Variants in ARHGEF38 observed in about 807,000 individuals in gnomAD.
ARHGEF38 encodes Rho guanine nucleotide exchange factor (GEF) 38.
In ARHGEF38, 79 loss-of-function variants were observed where a neutral mutation model predicts 79.9. That is an observed-to-expected ratio of 0.99 (90% CI 0.82 to 1.19). The LOEUF (loss-of-function observed/expected upper bound fraction) is 1.19. Ranked by LOEUF, ARHGEF38 falls within the 50% of genes most tolerant of loss-of-function variation. The probability of loss-of-function intolerance (pLI) is 0.00; values close to 1 mark genes in which losing one functional copy is unlikely to be tolerated. For synonymous variants in ARHGEF38, 366 were observed against 328.3 expected (o/e 1.11, Z -1.24); for missense variants, 962 against 907.2 (o/e 1.06, Z -0.78).
chr4:105,647,722 C>T (rs973012155), intron 6 of ARHGEF38, among the ~76,000 whole-genome samples: 1 of 152,072 alleles, frequency 6.6e-6, no homozygotes, highest in Non-Finnish European at 1.5e-5. Context: ...ATGTTAGAGA[C>T]ATTTAATGTT....
chr4:105,594,197 T>C (rs1220484580), intron 2 of ARHGEF38, among the ~76,000 whole-genome samples: 1 of 152,200 alleles, frequency 6.6e-6, no homozygotes, highest in African/African-American at 2.4e-5. Flanking sequence ...TAAATAAATG[T>C]TCGGGTACTC....
intron 13 of ARHGEF38, among the ~76,000 whole-genome samples, chr4:105,675,745 A>T (rs1731097016): frequency 6.6e-6 from 1 of 152,192 alleles, no homozygotes; most frequent in African/African-American, 2.4e-5. Context: ...AGATCAAGGC[A>T]CCAGTTTATG....
intron 1 of ARHGEF38, among the ~76,000 whole-genome samples, chr4:105,575,823 G>A (rs28784990): frequency 0.11 from 16,459 of 152,124 alleles, 946 homozygotes; most frequent in Middle Eastern, 0.18. Context: ...GTTTATTTTT[G>A]TATAAGGTGA....
At chr4:105,622,685 C>T (rs1728786230) in intron 3 of ARHGEF38, among the ~76,000 whole-genome samples, 1 of 152,202 alleles carries the variant, frequency 6.6e-6, no homozygotes, top group African/African-American at 2.4e-5. Context: ...CTTCCCTTCA[C>T]AATGCTCAGC....
intron 3 of ARHGEF38, among the ~76,000 whole-genome samples, chr4:105,618,401 G>T (rs1284741333): frequency 1.3e-5 from 2 of 152,128 alleles, no homozygotes; most frequent in Non-Finnish European, 2.9e-5. Flanking sequence ...ACTTTGGGAG[G>T]CTGATGTGGG....
intron 3 of ARHGEF38, among the ~76,000 whole-genome samples, chr4:105,618,341 TAGAG>T (rs1728590957): frequency 6.6e-6 from 1 of 152,120 alleles, no homozygotes; most frequent in Admixed American, 6.6e-5. Context: ...AATTAATAAA[TAGAG>T]AAAGAAGAAC....
At chr4:105,665,152 C>G (rs978116798) in intron 10 of ARHGEF38, among the ~76,000 whole-genome samples, 1 of 151,828 alleles carries the variant, frequency 6.6e-6, no homozygotes, top group Non-Finnish European at 1.5e-5. Flanking sequence ...CACACACCAC[C>G]TCACTGGGCT....
intron 10 of ARHGEF38, among the ~76,000 whole-genome samples, chr4:105,663,651 C>T (rs570680314): frequency 1.2e-4 from 19 of 152,310 alleles, no homozygotes; most frequent in Non-Finnish European, 2.2e-4. Context: ...TCATTTTTAA[C>T]TGTGAATATT....
chr4:105,582,467 T>C (rs977926150), intron 1 of ARHGEF38, among the ~76,000 whole-genome samples: 9 of 152,134 alleles, frequency 5.9e-5, no homozygotes, highest in Non-Finnish European at 4.4e-5. Context: ...ATATCTTCTA[T>C]TCACTTTAGT....
chr4:105,656,097 C>T (rs1048624617), intron 9 of ARHGEF38, among the ~76,000 whole-genome samples: 1 of 152,070 alleles, frequency 6.6e-6, no homozygotes, highest in African/African-American at 2.4e-5. Flanking sequence ...CTCTGTTGCC[C>T]AGGCTGGAGT....
chr4:105,593,390 C>A (rs528195075), intron 2 of ARHGEF38, among the ~76,000 whole-genome samples: 4 of 150,222 alleles, frequency 2.7e-5, no homozygotes, highest in Non-Finnish European at 6.0e-5. Flanking sequence ...TAAAAAAAAA[C>A]AGCCAAGTGT....
chr4:105,671,266 T>G (rs927061708), intron 13 of ARHGEF38, among the ~76,000 whole-genome samples: 7 of 152,142 alleles, frequency 4.6e-5, no homozygotes, highest in Admixed American at 4.6e-4. Flanking sequence ...ATACTTTCCC[T>G]CAGAGTAGAA....
chr4:105,671,110 G>T (rs996029537), intron 13 of ARHGEF38, among the ~76,000 whole-genome samples: 1 of 152,178 alleles, frequency 6.6e-6, no homozygotes, highest in Non-Finnish European at 1.5e-5. Context: ...TTCATAAATT[G>T]TTATTTGCTT....
intron 1 of ARHGEF38, among the ~76,000 whole-genome samples, chr4:105,556,339 C>T (rs1330686707): frequency 1.3e-5 from 2 of 152,060 alleles, no homozygotes; most frequent in African/African-American, 4.8e-5. Context: ...TCCAAAGAGG[C>T]TCAAAGTCTG....
Position 105,622,186 on chromosome 4 carries a change from A to T in ARHGEF38, c.508+8679A>T, listed in dbSNP as rs555429789. Among the ~76,000 whole-genome samples, 5 of 152,280 alleles carry T rather than the reference A, an allele frequency of 3.3e-5. No individual in the cohort carries two copies. The South Asian group carries it at 1.0e-3, about 32-fold the overall frequency. ...TCTGAGGAGGATGGTAAGTTCTAGGATGCTATGCTGATGGAGCCTGCCAGT... is the reference window on the plus strand; with the variant it reads ...TCTGAGGAGGATGGTAAGTTCTAGGTTGCTATGCTGATGGAGCCTGCCAGT... On this transcript the variant is annotated intron_variant, in intron 3 of 13. Coordinates refer to ENST00000420470, the MANE Select transcript of ARHGEF38 (RefSeq NM_001242729.2).
At chr4:105,653,324 CTTTTTTTT>C (rs778409804) in intron 7 of ARHGEF38, among the ~76,000 whole-genome samples, 1 of 136,544 alleles carries the variant, frequency 7.3e-6, no homozygotes, top group East Asian at 2.1e-4. Flanking sequence ...TTTCACATTT[CTTTTTTTT>C]TTTTTTTTGA....
chr4:105,668,680 A>AGATAGAT (rs1553950212), intron 13 of ARHGEF38, among the ~76,000 whole-genome samples: 2 of 150,728 alleles, frequency 1.3e-5, no homozygotes, highest in Non-Finnish European at 2.9e-5. Context: ...ATAGATAGAT[A>AGATAGAT]GATAGATAGA....
intron 1 of ARHGEF38, among the ~76,000 whole-genome samples, chr4:105,575,968 A>T (rs1726477173): frequency 6.6e-6 from 1 of 151,920 alleles, no homozygotes; most frequent in African/African-American, 2.4e-5. Context: ...TAAGCATTTG[A>T]CTTTATTTCT....
chr4:105,654,200 T>C, intron 8 of ARHGEF38, 31 bp downstream of exon 8: 1 of 1,244,456 alleles, frequency 8.0e-7, no homozygotes, highest in Non-Finnish European at 1.1e-6. Flanking sequence ...TTCAGTGTTC[T>C]ACAGGAACAT....
Sources: allele counts gnomAD v4.1 joint callset (sites outside exome capture counted in the v4.1 genomes callset), GRCh38; gene constraint gnomAD v4.1.1; transcripts MANE v1.5; gene names NCBI Gene and HGNC (gene_info 2026-07-23, HGNC 2026-07-21).